PKP4: variants seen among roughly 807,000 people sequenced by gnomAD.
PKP4 encodes plakophilin-4.
A neutral mutation model predicts 145.1 loss-of-function variants in PKP4; 90 were observed. The observed-to-expected ratio is 0.62, with a 90% CI of 0.52 to 0.74. PKP4 has a LOEUF of 0.74. PKP4 is among the 30% of genes least tolerant of loss of function. The probability of loss-of-function intolerance (pLI) is 0.00; values close to 1 mark genes in which losing one functional copy is unlikely to be tolerated. For synonymous variants in PKP4, 563 were observed against 577.2 expected (o/e 0.98, Z 0.35); for missense variants, 1,340 against 1,482.7 (o/e 0.90, Z 1.58).
chr2:158,623,825 GT>G (rs2052496847), intron 6 of PKP4, among the ~76,000 whole-genome samples: 1 of 152,146 alleles, frequency 6.6e-6, no homozygotes, highest in Non-Finnish European at 1.5e-5. Context: ...GAGCAGCCTG[GT>G]CCTAGTCTTC....
chr2:158,547,581 T>C (rs368204842), intron 2 of PKP4, among the ~76,000 whole-genome samples: 3 of 152,230 alleles, frequency 2.0e-5, no homozygotes, highest in East Asian at 3.8e-4. Context: ...CTGAATCTAA[T>C]TGGAGCTGTG....
intron 17 of PKP4, among the ~76,000 whole-genome samples, chr2:158,670,959 A>T (rs1296226877): frequency 6.6e-6 from 1 of 152,202 alleles, no homozygotes; most frequent in Non-Finnish European, 1.5e-5. Context: ...GAACAGCAGG[A>T]CAGCAACCTC....
At chr2:158,649,502 T>A (rs1383438996) in intron 11 of PKP4, among the ~76,000 whole-genome samples, 3 of 152,236 alleles carry the variant, frequency 2.0e-5, no homozygotes, top group Non-Finnish European at 4.4e-5. Flanking sequence ...ATCAAACTAG[T>A]GATCAAGTAT....
In PKP4 at chr2:158,658,171, G is replaced by A. The variant is rs780074675; in HGVS notation, c.1950G>A (p.Met650Ile). The A allele has an allele frequency of 6.2e-7, 1 of 1,607,400 alleles. No individual in the cohort carries two copies. Among genetic ancestry groups the A allele is most frequent in the South Asian group, 1.1e-5 (1 of 90,308 alleles). ...WNLSSCDAVKMTIIRDALSTL... is the reference protein window; with the variant it reads ...WNLSSCDAVKITIIRDALSTL... ...TATCCTCATGTGATGCTGTAAAAATGACAATCATTCGAGATGCTCTCTCAA... is the reference window on the plus strand; with the variant it reads ...TATCCTCATGTGATGCTGTAAAAATAACAATCATTCGAGATGCTCTCTCAA... Residue 650 changes from methionine to isoleucine, a missense_variant, in exon 12 of 22, where the codon ATG becomes ATA. Physicochemically the swap from Met to Ile is conservative, Grantham distance 10. Coordinates refer to ENST00000389759, the MANE Select transcript of PKP4 (RefSeq NM_003628.6).
chr2:158,484,336 C>T (rs541878096), intron 1 of PKP4, among the ~76,000 whole-genome samples: 6 of 152,286 alleles, frequency 3.9e-5, no homozygotes, highest in African/African-American at 1.4e-4. Context: ...CGTGAGCCAC[C>T]GCGCCCGGCC....
intron 1 of PKP4, among the ~76,000 whole-genome samples, chr2:158,507,063 C>T (rs1229440874): frequency 3.9e-5 from 6 of 152,218 alleles, no homozygotes; most frequent in Non-Finnish European, 4.4e-5. Context: ...AAGCCTGTTC[C>T]ATCCAGCCAC....
chr2:158,562,998 G>A (rs1329370413), intron 2 of PKP4, among the ~76,000 whole-genome samples: 2 of 152,078 alleles, frequency 1.3e-5, no homozygotes, highest in African/African-American at 2.4e-5. Context: ...AAGCCAAAAA[G>A]CATCTTTCTA....
At chr2:158,616,086 T>C (rs1427119670) in intron 4 of PKP4, among the ~76,000 whole-genome samples, 1 of 152,176 alleles carries the variant, frequency 6.6e-6, no homozygotes, top group Non-Finnish European at 1.5e-5. Flanking sequence ...AAACTCCAAG[T>C]ATGTGTAATA....
At chr2:158,492,880 T>A (rs1166289992) in intron 1 of PKP4, among the ~76,000 whole-genome samples, 1 of 152,218 alleles carries the variant, frequency 6.6e-6, no homozygotes, top group Non-Finnish European at 1.5e-5. Flanking sequence ...TTTTGTTTCT[T>A]TAAGAAAAGG....
At chr2:158,542,498 T>C (rs1220867952) in intron 2 of PKP4, among the ~76,000 whole-genome samples, 1 of 152,202 alleles carries the variant, frequency 6.6e-6, no homozygotes, top group Non-Finnish European at 1.5e-5. Context: ...ACTACAGAAC[T>C]GGGCAAATGT....
At chr2:158,586,225 G>A (rs2048793233) in intron 3 of PKP4, among the ~76,000 whole-genome samples, 1 of 152,144 alleles carries the variant, frequency 6.6e-6, no homozygotes, top group South Asian at 2.1e-4. Context: ...GTGCTGCTGA[G>A]TATTGTATTT....
In PKP4 at chr2:158,669,918, AAG is replaced by A; in HGVS notation, c.2924+4_2924+5del. On this transcript the variant is annotated splice_donor_5th_base_variant and intron_variant, in intron 17 of 21. Coordinates refer to ENST00000389759, the MANE Select transcript of PKP4 (RefSeq NM_003628.6). ...ATAACCAAAGGCAGGGGCGACAGGC[AAG>A]TCTGCGGCAAGGAGGTGCAAGCAGT... The A allele has an allele frequency of 6.2e-7, 1 of 1,606,478 alleles. No individual in the cohort carries two copies. The highest frequency in any genetic ancestry group is 8.5e-7 in the Non-Finnish European group (1 of 1,175,078).
In PKP4 at chr2:158,526,349, T is replaced by C. The variant is rs1227741870; in HGVS notation, c.-5-6831T>C. Among the ~76,000 whole-genome samples the C allele has an allele frequency of 5.7e-5, 7 of 123,376 alleles. No homozygotes were observed. The East Asian group carries it at 1.1e-3, about 20-fold the overall frequency. The allele number at this position is 123,376 out of a possible 152,430, so 80.9% of individuals were successfully genotyped here. Reference sequence around the variant, plus strand: ...TTCAATATACGCAAATCAATAAATGTAATCCAGCATATAAACAGAGCCAAA... The same window carrying C: ...TTCAATATACGCAAATCAATAAATGCAATCCAGCATATAAACAGAGCCAAA... On this transcript the variant is annotated intron_variant, in intron 1 of 21. Coordinates refer to ENST00000389759, the MANE Select transcript of PKP4 (RefSeq NM_003628.6).
intron 1 of PKP4, among the ~76,000 whole-genome samples, chr2:158,523,424 G>A (rs1039168361): frequency 2.1e-5 from 2 of 94,124 alleles, no homozygotes; most frequent in Non-Finnish European, 4.5e-5. Context: ...TGAGGGTCCT[G>A]TCTGTTAGAA....
At chr2:158,638,197 A>C (rs139357397) in intron 9 of PKP4, among the ~76,000 whole-genome samples, 138 of 152,336 alleles carry the variant, frequency 9.1e-4, no homozygotes, top group African/African-American at 3.1e-3. Flanking sequence ...AAGGAAAACT[A>C]TTTGTTACCA....
chr2:158,615,992 TGCC>T (rs2051567694), intron 4 of PKP4, among the ~76,000 whole-genome samples: 2 of 152,364 alleles, frequency 1.3e-5, no homozygotes, highest in African/African-American at 4.8e-5. Context: ...ATGGTCTTTC[TGCC>T]TTTCCTTATG....
chr2:158,579,104 G>C (rs1417960222), intron 3 of PKP4, among the ~76,000 whole-genome samples: 1 of 152,158 alleles, frequency 6.6e-6, no homozygotes, highest in African/African-American at 2.4e-5. Context: ...TGTGGGTTTG[G>C]AGCCCAAATG....
At chr2:158,661,880 TG>T (rs1158601999) in intron 13 of PKP4, 1 of 162,512 alleles carries the variant, frequency 6.2e-6, no homozygotes, top group Non-Finnish European at 1.3e-5. Context: ...CAGCACTAAC[TG>T]TTGTTGCACC....
chr2:158,488,666 C>T (rs115507678), intron 1 of PKP4, among the ~76,000 whole-genome samples: 57 of 152,286 alleles, frequency 3.7e-4, no homozygotes, highest in Admixed American at 1.2e-3. Context: ...AGTGTAATCT[C>T]TGTCCCTTGA....
Sources: allele counts gnomAD v4.1 joint callset (sites outside exome capture counted in the v4.1 genomes callset), GRCh38; gene constraint gnomAD v4.1.1; transcripts MANE v1.5; gene names NCBI Gene and HGNC (gene_info 2026-07-23, HGNC 2026-07-21).